TAS2R1: variants seen among roughly 807,000 people sequenced by gnomAD.
TAS2R1 encodes taste 2 receptor member 1.
For synonymous variants in TAS2R1, 141 were observed against 134.2 expected, an observed-to-expected ratio of 1.05 and a Z score of -0.35; for missense variants, 370 against 353.4, an observed-to-expected ratio of 1.05 and a Z score of -0.38.
chr5:9,711,972 T>G, intron 1 of TAS2R1, among the ~76,000 whole-genome samples: 1 of 135,354 alleles, frequency 7.4e-6, no homozygotes, highest in African/African-American at 2.8e-5. Context: ...AGCCTTATGT[T>G]CAACGTTTTT....
the TAS2R1 span, among the ~76,000 whole-genome samples, chr5:9,781,797 G>T: frequency 6.6e-6 from 1 of 152,026 alleles, no homozygotes; most frequent in Admixed American, 6.6e-5. Context: ...TCTCAGCAAG[G>T]CCCCCTGCAT....
At chr5:9,846,233 T>C in the TAS2R1 span, among the ~76,000 whole-genome samples, 1 of 152,246 alleles carries the variant, frequency 6.6e-6, no homozygotes, top group Non-Finnish European at 1.5e-5. Context: ...TGCAAAAGTT[T>C]ACAAAGTCCT....
chr5:9,807,882 AAAAC>A, the TAS2R1 span, among the ~76,000 whole-genome samples: 1 of 152,022 alleles, frequency 6.6e-6, no homozygotes, highest in Non-Finnish European at 1.5e-5. Context: ...AAAACAAATC[AAAAC>A]AAACAATTAA....
chr5:9,836,218 T>A, the TAS2R1 span, among the ~76,000 whole-genome samples: 2 of 151,996 alleles, frequency 1.3e-5, no homozygotes, highest in African/African-American at 4.8e-5. Context: ...GAACTGTAAG[T>A]CCAATAAACC....
the TAS2R1 span, among the ~76,000 whole-genome samples, chr5:9,888,861 T>G: frequency 6.6e-6 from 1 of 152,088 alleles, no homozygotes; most frequent in Non-Finnish European, 1.5e-5. Flanking sequence ...AATGCCAAGA[T>G]AGCAGAAGAC....
intron 1 of TAS2R1, among the ~76,000 whole-genome samples, chr5:9,677,430 C>T (rs1740897960): frequency 7.1e-6 from 1 of 140,016 alleles, no homozygotes; most frequent in Non-Finnish European, 1.6e-5. Context: ...AAAAAGAGAA[C>T]CAAAAGACAA....
the TAS2R1 span, among the ~76,000 whole-genome samples, chr5:9,827,129 CA>C: frequency 6.6e-6 from 1 of 152,136 alleles, no homozygotes; most frequent in Non-Finnish European, 1.5e-5. Context: ...CAACAGGCAC[CA>C]GCTTGAGTTC....
At chr5:9,694,768 T>C (rs1454790989) in intron 1 of TAS2R1, among the ~76,000 whole-genome samples, 1 of 152,232 alleles carries the variant, frequency 6.6e-6, no homozygotes, top group Non-Finnish European at 1.5e-5. Context: ...CTCAATTTCT[T>C]TTTATCAAAT....
chr5:9,730,266 G>A, the TAS2R1 span, among the ~76,000 whole-genome samples: 1 of 152,204 alleles, frequency 6.6e-6, no homozygotes, highest in Admixed American at 6.5e-5. Flanking sequence ...CTTGAAAGGT[G>A]CAGTTTCTCC....
the TAS2R1 span, among the ~76,000 whole-genome samples, chr5:9,729,381 C>T: frequency 6.6e-6 from 1 of 152,112 alleles, no homozygotes; most frequent in Admixed American, 6.5e-5. Context: ...GCTCTTGCCT[C>T]CCCCATTAGT....
At chr5:9,718,052 C>T in the TAS2R1 span, among the ~76,000 whole-genome samples, 5 of 152,084 alleles carry the variant, frequency 3.3e-5, no homozygotes, top group South Asian at 2.1e-4. Flanking sequence ...CTCTGCCTCC[C>T]GGGTTCAAGC....
At chr5:9,679,175 A>G (rs1323967863) in intron 1 of TAS2R1, among the ~76,000 whole-genome samples, 1 of 152,222 alleles carries the variant, frequency 6.6e-6, no homozygotes, top group Non-Finnish European at 1.5e-5. Flanking sequence ...AAGGATGGTA[A>G]AATTATCAGT....
At chr5:9,852,521 C>T in the TAS2R1 span, among the ~76,000 whole-genome samples, 31 of 152,328 alleles carry the variant, frequency 2.0e-4, no homozygotes, top group African/African-American at 7.0e-4. Flanking sequence ...GTGATTGAAA[C>T]TCAGTGCCTC....
chr5:9,703,366 T>A (rs892330968), intron 1 of TAS2R1, among the ~76,000 whole-genome samples: 1 of 152,206 alleles, frequency 6.6e-6, no homozygotes, highest in Non-Finnish European at 1.5e-5. Flanking sequence ...TCTATAATAC[T>A]GATGGGTGCT....
rs142621446 is a variant in TAS2R1 at position 9,644,141 on chromosome 5, G to A, written c.-80-14149C>T. On this transcript the variant is annotated intron_variant, in intron 2 of 2. Transcript: ENST00000506620. ...AATGGGAACCCATTGAAGTGTTTGG[G>A]TGAGGGGGAAGCTTTGTTATAATCA... Among the ~76,000 whole-genome samples, 1,049 of 152,262 alleles carry A rather than the reference G, an allele frequency of 6.9e-3. 17 individuals are homozygous for A. The highest frequency in any genetic ancestry group is 0.024 in the African/African-American group (1,012 of 41,558).
At chr5:9,899,403 G>C in the TAS2R1 span, among the ~76,000 whole-genome samples, 2 of 152,150 alleles carry the variant, frequency 1.3e-5, no homozygotes, top group Non-Finnish European at 1.5e-5. Context: ...TTGGGAAGCT[G>C]AGGTGGGCAG....
the TAS2R1 span, among the ~76,000 whole-genome samples, chr5:9,720,139 A>T: frequency 6.6e-6 from 1 of 152,112 alleles, no homozygotes; most frequent in East Asian, 1.9e-4. Context: ...AAATACCCCA[A>T]ACTGGAGAGG....
intron 1 of TAS2R1, among the ~76,000 whole-genome samples, chr5:9,693,559 A>G (rs560816138): frequency 1.8e-4 from 27 of 150,996 alleles, no homozygotes; most frequent in Admixed American, 1.5e-3. Flanking sequence ...GAGAGAGAAA[A>G]AGAAAGAAAG....
chr5:9,634,878 A>G (rs115803874), upstream of TAS2R1, among the ~76,000 whole-genome samples: 1,192 of 152,210 alleles, frequency 7.8e-3, 18 homozygotes, highest in African/African-American at 0.028. Flanking sequence ...GCATACAATC[A>G]TATTACTGGT....
Sources: gnomAD v4.1 joint callset for allele counts (sites outside exome capture counted in the v4.1 genomes callset) on GRCh38, gnomAD v4.1.1 for gene constraint, MANE v1.5 for transcripts, NCBI Gene and HGNC (gene_info 2026-07-23, HGNC 2026-07-21) for gene names.